Variants in EXOC6B observed in about 807,000 individuals in gnomAD.
EXOC6B encodes the protein exocyst complex component 6B.
EXOC6B carries 54 observed loss-of-function variants against 113.5 expected under a neutral mutation model. The observed-to-expected ratio is 0.48, with a 90% confidence interval of 0.38 to 0.60. The LOEUF is 0.60. EXOC6B is among the 20% of genes least tolerant of loss of function. EXOC6B has a pLI of 0.00. For missense variants in EXOC6B, 797 were observed against 977.5 expected (o/e 0.82, Z 2.46); for synonymous variants, 357 against 339.0 (o/e 1.05, Z -0.58).
chr2:72,546,731 C>G (rs760503196), intron 8 of EXOC6B, among the ~76,000 whole-genome samples: 3 of 152,192 alleles, frequency 2.0e-5, no homozygotes, highest in Non-Finnish European at 4.4e-5. Flanking sequence ...AGGTCATCAG[C>G]TTGCCATGCA....
intron 1 of EXOC6B, among the ~76,000 whole-genome samples, chr2:72,749,993 T>C (rs1281152248): frequency 6.6e-6 from 1 of 151,676 alleles, no homozygotes; most frequent in Admixed American, 6.6e-5. Context: ...ATGTATTATA[T>C]ATAGTATATA....
chr2:72,271,218 T>A (rs1213290911), intron 20 of EXOC6B, among the ~76,000 whole-genome samples: 2 of 152,138 alleles, frequency 1.3e-5, no homozygotes, highest in Non-Finnish European at 2.9e-5. Context: ...TTTGTTGGGA[T>A]TTGTTCTTTT....
At chr2:72,453,676 A>G (rs1045126838) in intron 18 of EXOC6B, among the ~76,000 whole-genome samples, 2 of 152,216 alleles carry the variant, frequency 1.3e-5, no homozygotes, top group East Asian at 1.9e-4. Flanking sequence ...CTATCATTAC[A>G]CAGTTAAGGT....
intron 13 of EXOC6B, among the ~76,000 whole-genome samples, chr2:72,497,258 C>T (rs1183485041): frequency 1.3e-5 from 2 of 152,024 alleles, no homozygotes; most frequent in African/African-American, 4.8e-5. Context: ...CAGGCATGAC[C>T]CACTGCACCT....
chr2:72,791,400 G>A (rs1313336106), intron 1 of EXOC6B, among the ~76,000 whole-genome samples: 1 of 152,060 alleles, frequency 6.6e-6, no homozygotes, highest in African/African-American at 2.4e-5. Context: ...AACAAAACTA[G>A]CCAGGCATAG....
chr2:72,379,246 A>C (rs1035094555), intron 19 of EXOC6B, among the ~76,000 whole-genome samples: 1 of 152,200 alleles, frequency 6.6e-6, no homozygotes, highest in Admixed American at 6.5e-5. Context: ...GAAAAATAAA[A>C]TTTATTTGTT....
intron 20 of EXOC6B, among the ~76,000 whole-genome samples, chr2:72,248,359 A>C (rs1283532230): frequency 6.6e-6 from 1 of 152,212 alleles, no homozygotes; most frequent in African/African-American, 2.4e-5. Flanking sequence ...TAGTAGAGAC[A>C]CTTCAAATAT....
chr2:72,717,416 T>A (rs537307534), intron 6 of EXOC6B, among the ~76,000 whole-genome samples: 22 of 152,284 alleles, frequency 1.4e-4, no homozygotes, highest in Non-Finnish European at 2.5e-4. Flanking sequence ...GGCTACATCA[T>A]CAGGTATACT....
chr2:72,810,122 A>C (rs1290841462), intron 1 of EXOC6B, among the ~76,000 whole-genome samples: 1 of 152,174 alleles, frequency 6.6e-6, no homozygotes, highest in African/African-American at 2.4e-5. Flanking sequence ...TTGGAAACTA[A>C]ACAACACTCT....
intron 1 of EXOC6B, among the ~76,000 whole-genome samples, chr2:72,779,128 T>C (rs1313129264): frequency 6.6e-6 from 1 of 152,048 alleles, no homozygotes; most frequent in African/African-American, 2.4e-5. Context: ...ACACCCATGA[T>C]ACAGGGTGAC....
intron 1 of EXOC6B, among the ~76,000 whole-genome samples, chr2:72,816,459 A>G (rs1460332109): frequency 2.0e-5 from 3 of 152,242 alleles, no homozygotes; most frequent in African/African-American, 7.2e-5. Flanking sequence ...GGAGAAAATA[A>G]GATAATATAT....
At chr2:72,615,551 T>C (rs993939508) in intron 6 of EXOC6B, among the ~76,000 whole-genome samples, 47 of 146,194 alleles carry the variant, frequency 3.2e-4, no homozygotes, top group African/African-American at 1.1e-3. Context: ...TAGAAGTGAC[T>C]CTAACACATT....
intron 19 of EXOC6B, among the ~76,000 whole-genome samples, chr2:72,366,407 A>G (rs1441432086): frequency 6.6e-6 from 1 of 152,176 alleles, no homozygotes; most frequent in East Asian, 1.9e-4. Context: ...GTGCATAAAG[A>G]AGAAAAGAAG....
intron 2 of EXOC6B, 94 bp from the exon 3 acceptor site, chr2:72,733,212 G>A: frequency 1.1e-6 from 1 of 926,380 alleles, no homozygotes; most frequent in Middle Eastern, 2.7e-4. Flanking sequence ...TTAGGAATAG[G>A]CAGTTAAATA....
chr2:72,266,460 G>C (rs1573128751), intron 20 of EXOC6B, among the ~76,000 whole-genome samples: 1 of 151,556 alleles, frequency 6.6e-6, no homozygotes, highest in South Asian at 2.1e-4. Flanking sequence ...TCCAGTTTCA[G>C]CTTTCTACAT....
intron 18 of EXOC6B, among the ~76,000 whole-genome samples, chr2:72,418,629 T>G (rs1044004962): frequency 2.6e-5 from 4 of 152,206 alleles, no homozygotes; most frequent in African/African-American, 7.2e-5. Flanking sequence ...CATAGTTGTC[T>G]CTGTTCTCTT....
rs1295717080 is a variant in EXOC6B, at chr2:72,562,010, C to A, written c.847-2489G>T. On this transcript the variant is annotated intron_variant, in intron 7 of 21. Transcript: ENST00000272427. ...CGTTCACAACCTTTACCTCTACTCC[C>A]AAAATAGCCTAATATTTAGAAATCA... Among the ~76,000 whole-genome samples, 3 of 152,086 alleles carry A rather than the reference C, an allele frequency of 2.0e-5. No homozygotes were observed. The East Asian group carries it at 5.8e-4, about 29-fold the overall frequency.
At chr2:72,519,774 C>T (rs1272693005) in intron 8 of EXOC6B, among the ~76,000 whole-genome samples, 1 of 152,084 alleles carries the variant, frequency 6.6e-6, no homozygotes, top group Non-Finnish European at 1.5e-5. Context: ...TGATGACTTC[C>T]AAGTGCCAAG....
In EXOC6B at chr2:72,179,234, C is replaced by T. The variant is rs993743316; in HGVS notation, c.*101G>A. 1 of 1,326,938 alleles carries T rather than the reference C, an allele frequency of 7.5e-7. No individual in the cohort carries two copies. The highest frequency in any genetic ancestry group is 1.0e-6 in the Non-Finnish European group (1 of 987,232). 82.2% of individuals were successfully genotyped at this position (1,326,938 alleles called of 1,614,324 possible). A position where few individuals can be genotyped will look rare whatever the true frequency, so the allele number is the denominator to read the frequency against. ...GGGTTAATAAAAAAATACATATGCT[C>T]TCTTTGAAGAAGAATGCACAAATGC... On this transcript the variant is annotated 3_prime_UTR_variant, in exon 22 of 22. Transcript: ENST00000272427.
Sources: gnomAD v4.1 joint callset for allele counts (sites outside exome capture counted in the v4.1 genomes callset) on GRCh38, gnomAD v4.1.1 for gene constraint, MANE v1.5 for transcripts, NCBI Gene and HGNC (gene_info 2026-07-23, HGNC 2026-07-21) for gene names.